Variants in MCHR2 observed in about 807,000 individuals in gnomAD.
The protein encoded by MCHR2 is melanin concentrating hormone receptor 2.
MCHR2 carries 15 observed loss-of-function variants against 24.8 expected under a neutral mutation model. The observed-to-expected ratio is 0.60, with a 90% CI of 0.40 to 0.93. MCHR2 has a LOEUF of 0.93. Ranked by LOEUF, MCHR2 falls within the 40% of genes least tolerant of loss-of-function variation. The pLI, the probability that MCHR2 is intolerant of heterozygous loss-of-function variation, is 0.00. For missense variants in MCHR2, 386 were observed against 408.7 expected, an observed-to-expected ratio of 0.94 and a Z score of 0.48; for synonymous variants, 151 against 147.6, an observed-to-expected ratio of 1.02 and a Z score of -0.17.
chr6:99,934,422 T>C lies in MCHR2; in HGVS notation c.683A>G (p.Tyr228Cys), dbSNP rs368007226. ...CCATCTGGCATCCTTATTCTGTTGA[T>C]ACATCTCCCAAGTATAGCATAAAAT... ...ILILCYTWEM[Y>C]QQNKDARCCN... Residue 228 changes from tyrosine to cysteine, a missense_variant, in exon 5 of 6, where the codon TAT becomes TGT. Transcript: ENST00000281806. The C allele has an allele frequency of 1.9e-6, 3 of 1,596,000 alleles. No homozygotes were observed. The highest frequency in any genetic ancestry group is 1.1e-5 in the South Asian group (1 of 86,996).
At chr6:99,983,651 C>A (rs1409493211) in intron 1 of MCHR2, among the ~76,000 whole-genome samples, 1 of 152,158 alleles carries the variant, frequency 6.6e-6, no homozygotes, top group Admixed American at 6.5e-5. Flanking sequence ...GGTTTCCTGG[C>A]AACAACCAAC....
intron 4 of MCHR2, among the ~76,000 whole-genome samples, chr6:99,935,724 C>T (rs1375414891): frequency 6.6e-6 from 1 of 151,798 alleles, no homozygotes; most frequent in Non-Finnish European, 1.5e-5. Context: ...GATATAAACC[C>T]AGTAGTGGAA....
At chr6:99,941,344 G>T (rs1411022207) in intron 4 of MCHR2, among the ~76,000 whole-genome samples, 1 of 148,370 alleles carries the variant, frequency 6.7e-6, no homozygotes, top group African/African-American at 2.5e-5. Context: ...TGATAACCTT[G>T]GTGCTGTATA....
intron 5 of MCHR2, among the ~76,000 whole-genome samples, chr6:99,929,461 G>T (rs969996545): frequency 3.3e-5 from 5 of 152,156 alleles, no homozygotes; most frequent in African/African-American, 1.2e-4. Flanking sequence ...CGTTATTATT[G>T]TGTGGGAGTC....
chr6:99,973,882 T>G (rs1323225845), intron 1 of MCHR2, among the ~76,000 whole-genome samples: 1 of 152,214 alleles, frequency 6.6e-6, no homozygotes, highest in Non-Finnish European at 1.5e-5. Flanking sequence ...ATGTTAAATA[T>G]TGGCCCCCAC....
At chr6:99,955,326 G>A (rs1410690727) in intron 2 of MCHR2, among the ~76,000 whole-genome samples, 1 of 152,120 alleles carries the variant, frequency 6.6e-6, no homozygotes, top group Non-Finnish European at 1.5e-5. Flanking sequence ...TACTTGAGAG[G>A]AGGAAATTAC....
chr6:99,961,133 A>G (rs546512548), intron 1 of MCHR2, among the ~76,000 whole-genome samples: 38 of 151,980 alleles, frequency 2.5e-4, no homozygotes, highest in African/African-American at 9.2e-4. Flanking sequence ...ACAAGAAAAA[A>G]ACAACAACCC....
chr6:99,944,330 T>C (rs1348629978), intron 3 of MCHR2, among the ~76,000 whole-genome samples: 2 of 152,164 alleles, frequency 1.3e-5, no homozygotes, highest in Non-Finnish European at 2.9e-5. Flanking sequence ...GAAGGCTATT[T>C]GAAAAAGCAC....
intron 2 of MCHR2, among the ~76,000 whole-genome samples, chr6:99,949,862 G>A (rs1470062804): frequency 6.6e-6 from 1 of 151,388 alleles, no homozygotes; most frequent in Non-Finnish European, 1.5e-5. Context: ...CTGGGAAATG[G>A]AGAGGGGACA....
At chr6:99,966,681 TTA>T (rs1775301224) in intron 1 of MCHR2, among the ~76,000 whole-genome samples, 1 of 152,178 alleles carries the variant, frequency 6.6e-6, no homozygotes, top group African/African-American at 2.4e-5. Context: ...AAACAAAATA[TTA>T]ATTCACTGAT....
At chr6:99,926,483 C>G (rs1212868118) in intron 5 of MCHR2, among the ~76,000 whole-genome samples, 1 of 152,108 alleles carries the variant, frequency 6.6e-6, no homozygotes, top group South Asian at 2.1e-4. Flanking sequence ...TCTCCACATC[C>G]TCTCCAGCAC....
chr6:99,957,126 G>A (rs1775080076), intron 1 of MCHR2, among the ~76,000 whole-genome samples: 1 of 152,092 alleles, frequency 6.6e-6, no homozygotes, highest in Admixed American at 6.6e-5. Flanking sequence ...AGGCACTTAT[G>A]GATGACATAA....
At position 99,982,962 on chromosome 6, in the gene MCHR2, T is replaced by A. The variant is rs571299885; in HGVS notation, c.-28+10974A>T. The stretch of plus-strand genomic sequence containing the variant: ...TTTTTGTTTTTTTGTTTTGTTTTGT[T>A]TGTCTTATTATTATTAGAGTCAGGG... On this transcript the variant is annotated intron_variant, in intron 1 of 5. Transcript: ENST00000281806. Among the ~76,000 whole-genome samples, 22 of 152,156 alleles carry A rather than the reference T, an allele frequency of 1.4e-4. No homozygotes were observed. In the East Asian group the frequency reaches 3.7e-3, roughly 25 times the overall value.
At chr6:99,958,193 T>C (rs1327198603) in intron 1 of MCHR2, among the ~76,000 whole-genome samples, 1 of 152,024 alleles carries the variant, frequency 6.6e-6, no homozygotes, top group Admixed American at 6.6e-5. Context: ...ACATATATAT[T>C]ACACTTGATA....
At chr6:99,944,403 A>G (rs924620487) in intron 3 of MCHR2, among the ~76,000 whole-genome samples, 6 of 152,262 alleles carry the variant, frequency 3.9e-5, no homozygotes, top group Admixed American at 1.3e-4. Context: ...AAATGTAAAA[A>G]TGGTTTTTAT....
intron 3 of MCHR2, among the ~76,000 whole-genome samples, chr6:99,944,231 T>A (rs1774832814): frequency 6.6e-6 from 1 of 152,172 alleles, no homozygotes; most frequent in African/African-American, 2.4e-5. Context: ...AATTCTGACA[T>A]ATCAAATGTA....
chr6:99,930,458 T>C lies in MCHR2; in HGVS notation c.707+3940A>G, dbSNP rs1288333562. On this transcript the variant is annotated intron_variant, in intron 5 of 5. Coordinates refer to ENST00000281806, the MANE Select transcript of MCHR2 (RefSeq NM_001040179.2). ...TTTTCCAACTTGGTTCCATTCTCCC[T>C]GTCACTTTCAGGTACACCAATCAGA... Among the ~76,000 whole-genome samples the C allele has an allele frequency of 2.1e-4, 32 of 151,992 alleles. 1 individual carries two copies. Among genetic ancestry groups the C allele is most frequent in the Admixed American group, 3.9e-4 (6 of 15,268 alleles).
chr6:99,958,537 GA>G (rs571436225), intron 1 of MCHR2, among the ~76,000 whole-genome samples: 2,767 of 149,496 alleles, frequency 0.019, 41 homozygotes, highest in African/African-American at 0.037. Flanking sequence ...TGATTACAAT[GA>G]AAAAAAAAAT....
chr6:99,973,187 T>C (rs1406862554), intron 1 of MCHR2, among the ~76,000 whole-genome samples: 2 of 151,774 alleles, frequency 1.3e-5, no homozygotes, highest in African/African-American at 4.8e-5. Flanking sequence ...ATTATTATTG[T>C]GTGGGAGTCT....
Sources: gnomAD v4.1 joint callset for allele counts (sites outside exome capture counted in the v4.1 genomes callset) on GRCh38, gnomAD v4.1.1 for gene constraint, MANE v1.5 for transcripts, NCBI Gene and HGNC (gene_info 2026-07-23, HGNC 2026-07-21) for gene names.